PDE8B: variants seen among roughly 807,000 people sequenced by gnomAD.
PDE8B encodes high affinity cAMP-specific and IBMX-insensitive 3',5'-cyclic phosphodiesterase 8B.
Under a neutral mutation model 101.3 loss-of-function variants are expected in PDE8B, and 26 were observed. That is an observed-to-expected ratio of 0.26 (90% CI 0.19 to 0.36). PDE8B has a LOEUF of 0.36. PDE8B is among the 10% of genes least tolerant of loss of function. PDE8B has a pLI of 1.00. For synonymous variants in PDE8B, 424 were observed against 429.3 expected (o/e 0.99, Z 0.15); for missense variants, 810 against 1,163.1 (o/e 0.70, Z 4.42).
intron 10 of PDE8B, among the ~76,000 whole-genome samples, chr5:77,373,041 A>G (rs1260196038): frequency 6.9e-6 from 1 of 144,926 alleles, no homozygotes; most frequent in Admixed American, 6.8e-5. Flanking sequence ...AAAAAAAAAA[A>G]GAATTTGTAG....
intron 1 of PDE8B, among the ~76,000 whole-genome samples, chr5:77,250,960 T>C (rs1580580821): frequency 6.6e-6 from 1 of 152,236 alleles, no homozygotes; most frequent in East Asian, 1.9e-4. Context: ...CTGGACTAAA[T>C]AACCATCTGT....
At chr5:77,127,612 G>C in the PDE8B span, among the ~76,000 whole-genome samples, 3 of 152,046 alleles carry the variant, frequency 2.0e-5, no homozygotes, top group Admixed American at 6.6e-5. Flanking sequence ...CCACCTGCTT[G>C]AGCCAAAACC....
intron 10 of PDE8B, among the ~76,000 whole-genome samples, chr5:77,386,800 T>C (rs1788738245): frequency 1.3e-5 from 2 of 151,682 alleles, no homozygotes; most frequent in South Asian, 4.2e-4. Flanking sequence ...AATATTGTTA[T>C]GTGTGAATTT....
intron 10 of PDE8B, among the ~76,000 whole-genome samples, chr5:77,391,624 GATGTGC>G (rs1407540695): frequency 2.0e-5 from 3 of 152,188 alleles, no homozygotes; most frequent in Non-Finnish European, 4.4e-5. Context: ...CCCAAAGCAG[GATGTGC>G]ATGTGCACCT....
At chr5:77,256,976 G>A (rs1485445587) in intron 1 of PDE8B, among the ~76,000 whole-genome samples, 1 of 152,122 alleles carries the variant, frequency 6.6e-6, no homozygotes, top group Non-Finnish European at 1.5e-5. Flanking sequence ...TAGGTTCCAG[G>A]CATTTTTCCA....
intron 17 of PDE8B, among the ~76,000 whole-genome samples, chr5:77,415,041 A>C (rs923499379): frequency 2.0e-5 from 3 of 152,210 alleles, no homozygotes; most frequent in African/African-American, 7.2e-5. Context: ...AATAGAAACA[A>C]GTTTAAGATT....
At position 77,381,618 on chromosome 5, in the gene PDE8B, G is replaced by GT. The variant is rs140446995; in HGVS notation, c.1168-18621dup. 4.8e-3 allele frequency among the ~76,000 whole-genome samples: 716 copies of GT among 150,178 alleles called. 8 individuals are homozygous for GT. The highest frequency in any genetic ancestry group is 0.016 in the African/African-American group (643 of 40,868). ...TCATGATTTTTTATTTTTTGTTTTT[G>GT]TTTTTTTTTAAATAAAAGGTTGACA... On this transcript the variant is annotated intron_variant, in intron 10 of 21. Transcript: ENST00000264917.
intron 10 of PDE8B, among the ~76,000 whole-genome samples, chr5:77,366,352 C>A (rs1236356614): frequency 6.6e-6 from 1 of 152,162 alleles, no homozygotes; most frequent in East Asian, 1.9e-4. Flanking sequence ...AAACGGCTGC[C>A]CCCTTTAGCC....
the PDE8B span, among the ~76,000 whole-genome samples, chr5:77,166,475 T>C: frequency 6.6e-6 from 1 of 152,020 alleles, no homozygotes; most frequent in East Asian, 1.9e-4. Context: ...TCTCCTTGAG[T>C]GGAAGCAGAG....
intron 1 of PDE8B, among the ~76,000 whole-genome samples, chr5:77,264,095 A>G (rs1031672208): frequency 1.3e-5 from 2 of 152,202 alleles, no homozygotes; most frequent in South Asian, 2.1e-4. Context: ...AGGTTCATCC[A>G]TGTTGTAGCA....
At chr5:77,346,800 TAAAAC>T (rs777233790) in intron 7 of PDE8B, among the ~76,000 whole-genome samples, 51 of 152,298 alleles carry the variant, frequency 3.3e-4, no homozygotes, top group Non-Finnish European at 5.9e-4. Context: ...GTATGGAACT[TAAAAC>T]AAGAGGAAGG....
At chr5:77,125,914 T>A in the PDE8B span, among the ~76,000 whole-genome samples, 7,202 of 152,240 alleles carry the variant, frequency 0.047, 219 homozygotes, top group African/African-American at 0.089. Flanking sequence ...GAGAATATAC[T>A]TAGTGCCACT....
intron 10 of PDE8B, among the ~76,000 whole-genome samples, chr5:77,356,963 C>T (rs1782217491): frequency 6.6e-6 from 1 of 152,202 alleles, no homozygotes; most frequent in African/African-American, 2.4e-5. Flanking sequence ...TCCAGACTCA[C>T]TGAGCCTCCA....
chr5:77,300,303 C>T (rs1321381540), intron 1 of PDE8B, among the ~76,000 whole-genome samples: 5 of 152,170 alleles, frequency 3.3e-5, no homozygotes, highest in African/African-American at 4.8e-5. Context: ...GAGTTTGAAC[C>T]GTTTTTTAAA....
chr5:77,159,907 GTTTACCC>G, the PDE8B span, among the ~76,000 whole-genome samples: 1 of 152,182 alleles, frequency 6.6e-6, no homozygotes, highest in African/African-American at 2.4e-5. Context: ...TGCTAGACTG[GTTTACCC>G]TGATTAAGAT....
At chr5:77,187,940 G>T in the PDE8B span, among the ~76,000 whole-genome samples, 1 of 152,108 alleles carries the variant, frequency 6.6e-6, no homozygotes, top group South Asian at 2.1e-4. Context: ...AAAGTAAGTG[G>T]CTTAATAAAT....
chr5:77,163,612 T>C, the PDE8B span, among the ~76,000 whole-genome samples: 1 of 152,208 alleles, frequency 6.6e-6, no homozygotes, highest in Admixed American at 6.5e-5. Flanking sequence ...AGGGATATAA[T>C]AAGGAGTTTC....
At chr5:77,109,927 GT>G in the PDE8B span, among the ~76,000 whole-genome samples, 862 of 67,252 alleles carry the variant, frequency 0.013, 18 homozygotes, top group East Asian at 0.099. Flanking sequence ...TTGTATTTCA[GT>G]TTTTTTTTTT....
chr5:77,368,323 G>A (rs1180413194), intron 10 of PDE8B, among the ~76,000 whole-genome samples: 1 of 152,046 alleles, frequency 6.6e-6, no homozygotes, highest in Non-Finnish European at 1.5e-5. Context: ...TGTGTATAAG[G>A]TCTGTCTTGC....
Sources: gnomAD v4.1 joint callset for allele counts (sites outside exome capture counted in the v4.1 genomes callset) on GRCh38, gnomAD v4.1.1 for gene constraint, MANE v1.5 for transcripts, NCBI Gene and HGNC (gene_info 2026-07-23, HGNC 2026-07-21) for gene names.